The following MPP2 variants were observed in gnomAD, a reference collection of about 807,000 sequenced individuals.
The protein encoded by MPP2 is MAGUK p55 subfamily member 2.
A neutral mutation model predicts 58.5 loss-of-function variants in MPP2; 42 were observed. That is an observed-to-expected ratio of 0.72 (90% CI 0.56 to 0.93). The LOEUF is 0.93. MPP2 is among the 40% of genes least tolerant of loss of function. The pLI is 0.00. For synonymous variants in MPP2, 300 were observed against 307.8 expected (o/e 0.97, Z 0.26); for missense variants, 632 against 760.4 (o/e 0.83, Z 1.99).
rs1369941649 is a variant in MPP2 at position 43,879,275 on chromosome 17, C to T, written c.1482G>A (p.Thr494=). The change falls in exon 12 of 13, where the codon ACG becomes ACA. Residue 494 remains threonine (T), a splice_region_variant and synonymous_variant. Coordinates refer to ENST00000269095, the MANE Select transcript of MPP2 (RefSeq NM_005374.5). The surrounding 1 kb of genome is among the most constrained non-coding windows in gnomAD (Gnocchi z 4.1). ...CTCCCCCACACCTCAGAGCCCTCAC[C>T]GTGAGCTGCTTGGTGGATATTCCAC... is the stretch of plus-strand genomic sequence containing the variant. The part of the protein sequence containing the change: ...LESGISTKQL[T]EADLRRTVEE... 4.3e-6 allele frequency: 7 copies of T among 1,610,340 alleles called. No homozygotes were observed. Among genetic ancestry groups the T allele is most frequent in the East Asian group, 4.5e-5 (2 of 44,740 alleles).
intron 3 of MPP2, among the ~76,000 whole-genome samples, chr17:43,890,033 C>G (rs1026855265): frequency 6.6e-6 from 1 of 151,286 alleles, no homozygotes; most frequent in Non-Finnish European, 1.5e-5. Context: ...AGGATGGTCT[C>G]GATCTCCTGA....
chr17:43,877,710 G>A lies in MPP2; in HGVS notation c.*97C>T, dbSNP rs995346276. 5.5e-6 allele frequency: 6 copies of A among 1,085,370 alleles called. No homozygotes were observed. The highest frequency in any genetic ancestry group is 5.5e-5 in the Admixed American group (3 of 54,278). The allele number at this position is 1,085,370 out of a possible 1,614,324, so 67.2% of individuals were successfully genotyped here. A position where few individuals can be genotyped will look rare whatever the true frequency, so the allele number is the denominator to read the frequency against. ...GTTACCCAAGGACAGCCAGATATGG[G>A]GGCTAAGGATTGTGGCAGGGGGTCA... On this transcript the variant is annotated 3_prime_UTR_variant, in exon 13 of 13. Transcript: ENST00000269095.
intron 2 of MPP2, chr17:43,900,729 T>C: frequency 1.7e-6 from 2 of 1,212,022 alleles, no homozygotes; most frequent in Middle Eastern, 3.0e-4. Context: ...AAGCCCTGAC[T>C]GGCGCTGCGC....
chr17:43,894,189 C>A (rs1284540980), intron 3 of MPP2, among the ~76,000 whole-genome samples: 1 of 151,420 alleles, frequency 6.6e-6, no homozygotes, highest in African/African-American at 2.4e-5. Context: ...GAGGCCAAGG[C>A]AGGCGGATTG....
At chr17:43,893,025 T>C (rs1380679748) in intron 3 of MPP2, among the ~76,000 whole-genome samples, 1 of 146,850 alleles carries the variant, frequency 6.8e-6, no homozygotes, top group Non-Finnish European at 1.5e-5. Context: ...GATGGATGGA[T>C]GGATGGATGG....
intron 2 of MPP2, among the ~76,000 whole-genome samples, chr17:43,899,533 AGAT>A (rs1223020213): frequency 1.3e-5 from 2 of 152,184 alleles, no homozygotes; most frequent in Non-Finnish European, 2.9e-5. Context: ...GGATTGGGCT[AGAT>A]GATGTTTACA....
rs2047199988 is a variant in MPP2, at chr17:43,882,874, C to T, written c.453+29G>A. ...TTCTCAATCCCCCCACCCTCACCAG[C>T]ACCACCTCTGGCCCTGCCCAGTCCT... On this transcript the variant is annotated intron_variant, in intron 5 of 12. Transcript: ENST00000269095. 3.1e-6 allele frequency: 5 copies of T among 1,612,764 alleles called. No homozygotes were observed. The African/African-American group carries it at 4.0e-5, about 13-fold the overall frequency.
At chr17:43,909,674 C>T (rs138723405), upstream of MPP2, 40 of 1,290,836 alleles carry the variant, frequency 3.1e-5, no homozygotes, top group African/African-American at 5.3e-4. Flanking sequence ...CTGCATTCGT[C>T]GGTCAACAAG....
rs2047119368 is a variant in MPP2, at chr17:43,881,530, C to T, written c.741G>A (p.Lys247=). The change falls in exon 7 of 13, where the codon AAG becomes AAA. Residue 247 remains lysine (K), a synonymous_variant. Coordinates refer to ENST00000269095, the MANE Select transcript of MPP2 (RefSeq NM_005374.5). ...DPARDSLIPC[K]EAGLRFNAGD... Reference sequence around the variant, plus strand: ...CGGCGTTGAAGCGCAGGCCTGCTTCCTTGCAGGGGATGAGGCTGTCTCGGG... The same window carrying T: ...CGGCGTTGAAGCGCAGGCCTGCTTCTTTGCAGGGGATGAGGCTGTCTCGGG... 1 of 1,614,108 alleles carries T rather than the reference C, an allele frequency of 6.2e-7. No homozygotes were observed. The highest frequency in any genetic ancestry group is 8.5e-7 in the Non-Finnish European group (1 of 1,179,996).
chr17:43,899,672 G>A (rs1008207055), intron 2 of MPP2, among the ~76,000 whole-genome samples: 1 of 152,120 alleles, frequency 6.6e-6, no homozygotes, highest in African/African-American at 2.4e-5. Context: ...GCCTTGGTGT[G>A]ACCCAAAGGC....
At chr17:43,908,003 CA>C, upstream of MPP2, 1 of 984,326 alleles carries the variant, frequency 1.0e-6, no homozygotes, top group Non-Finnish European at 1.2e-6. Flanking sequence ...GCCTCGGGAT[CA>C]GGGGCAGCTT....
rs2046871095 is a variant in MPP2, at chr17:43,876,994, C to A, written c.*813G>T. 1 of 152,566 alleles carries A rather than the reference C, an allele frequency of 6.6e-6. No homozygotes were observed. The highest frequency in any genetic ancestry group is 2.4e-5 in the African/African-American group (1 of 41,472). 9.5% of individuals were successfully genotyped at this position (152,566 alleles called of 1,614,324 possible). On this transcript the variant is annotated 3_prime_UTR_variant, in exon 13 of 13. Coordinates refer to ENST00000269095, the MANE Select transcript of MPP2 (RefSeq NM_005374.5). ...GAGCTTGGGGCTCTTCAGTTGGTAA[C>A]AGCAGGTTGTCACAGGGCTCAGCCC...
chr17:43,885,807 A>T (rs895188627), intron 3 of MPP2, among the ~76,000 whole-genome samples: 3 of 152,140 alleles, frequency 2.0e-5, no homozygotes, highest in African/African-American at 7.2e-5. Flanking sequence ...GGTGCATCAA[A>T]ATCTCAGAAA....
chr17:43,904,531 G>T, intron 1 of MPP2, 38 bp from the exon 2 acceptor site: 3 of 1,577,070 alleles, frequency 1.9e-6, no homozygotes, highest in African/African-American at 1.3e-5. Flanking sequence ...AGATACAAGG[G>T]CAAAGCAATG....
At position 43,882,474 on chromosome 17, in the gene MPP2, A is replaced by G. The variant is rs1162483832; in HGVS notation, c.491T>C (p.Ile164Thr). 6.2e-7 allele frequency: 1 copy of G among 1,606,794 alleles called. No individual in the cohort carries two copies. Among genetic ancestry groups the G allele is most frequent in the Non-Finnish European group, 8.5e-7 (1 of 1,179,916 alleles). ...TFRVEGGELV[I>T]ARILHGGMVA... ...CATGCCCCCATGCAGAATGCGCGCG[A>G]TCACCAGCTCGCCGCCCTCCACGCG... Residue 164 changes from isoleucine (I) to threonine (T), a missense_variant, in exon 6 of 13, where the codon ATC (isoleucine) becomes ACC (threonine). Ile to Thr is a moderately conservative substitution (Grantham distance 89). Coordinates refer to ENST00000269095, the MANE Select transcript of MPP2 (RefSeq NM_005374.5).
chr17:43,904,059 C>A (rs539214179), intron 2 of MPP2, among the ~76,000 whole-genome samples: 1 of 152,194 alleles, frequency 6.6e-6, no homozygotes, highest in Non-Finnish European at 1.5e-5. Context: ...AATCCCTCCA[C>A]CCCCAAGCCA....
At chr17:43,901,285 C>T in intron 2 of MPP2, 1 of 985,494 alleles carries the variant, frequency 1.0e-6, no homozygotes, top group South Asian at 4.7e-5. Context: ...CCTGCTTACC[C>T]CTCGCCTCAC....
chr17:43,896,947 C>T (rs1405372785), intron 3 of MPP2, among the ~76,000 whole-genome samples: 1 of 152,106 alleles, frequency 6.6e-6, no homozygotes, highest in African/African-American at 2.4e-5. Context: ...GGCATCCTTC[C>T]ACACTCCCTG....
intron 3 of MPP2, among the ~76,000 whole-genome samples, chr17:43,888,994 T>C (rs1266005506): frequency 1.3e-5 from 2 of 152,202 alleles, no homozygotes; most frequent in Non-Finnish European, 2.9e-5. Context: ...TGGCACAATC[T>C]TGGCTCACTG....
Sources: allele counts gnomAD v4.1 joint callset (sites outside exome capture counted in the v4.1 genomes callset), GRCh38; gene constraint gnomAD v4.1.1; non-coding constraint Gnocchi (gnomAD v3.1); transcripts MANE v1.5; gene names NCBI Gene and HGNC (gene_info 2026-07-23, HGNC 2026-07-21).